The following TTC5 variants were observed in gnomAD, a reference collection of about 807,000 sequenced individuals.
TTC5 encodes the protein tetratricopeptide repeat domain 5.
Under a neutral mutation model 57.4 loss-of-function variants are expected in TTC5, and 46 were observed. The ratio of observed to expected loss-of-function variants is 0.80; its 90% CI spans 0.63 to 1.03. The LOEUF (loss-of-function observed/expected upper bound fraction) is 1.03. TTC5 is among the 50% of genes least tolerant of loss of function. The pLI, the probability that TTC5 is intolerant of heterozygous loss-of-function variation, is 0.00. For synonymous variants in TTC5, 190 were observed against 203.5 expected (o/e 0.93, Z 0.57); for missense variants, 504 against 528.1 (o/e 0.95, Z 0.45).
At chr14:20,298,440 C>T (rs1882109902) in intron 5 of TTC5, among the ~76,000 whole-genome samples, 1 of 152,034 alleles carries the variant, frequency 6.6e-6, no homozygotes, top group African/African-American at 2.4e-5. Flanking sequence ...TTTCATTATT[C>T]TTTAAAATGA....
intron 9 of TTC5, among the ~76,000 whole-genome samples, chr14:20,291,246 C>T (rs1450605243): frequency 2.0e-5 from 3 of 152,052 alleles, no homozygotes; most frequent in African/African-American, 4.8e-5. Flanking sequence ...TTTGTAGAGA[C>T]GGGGTCTCAC....
intron 6 of TTC5, 119 bp from the exon 7 acceptor site, chr14:20,295,973 G>A: frequency 9.4e-7 from 1 of 1,059,936 alleles, no homozygotes; most frequent in East Asian, 2.6e-5. Context: ...ATTTTCCTGT[G>A]CTGCAACAAA....
chr14:20,305,683 T>C (rs1247300326), intron 1 of TTC5: 3 of 606,780 alleles, frequency 4.9e-6, no homozygotes, highest in Non-Finnish European at 8.9e-6. Context: ...GGACTGAAAT[T>C]AACCGCAGTC....
intron 9 of TTC5, among the ~76,000 whole-genome samples, chr14:20,290,247 C>T (rs1881926604): frequency 1.3e-5 from 2 of 152,146 alleles, no homozygotes; most frequent in South Asian, 2.1e-4. Context: ...AGAATGTAGC[C>T]GTTTTCCTAA....
intron 3 of TTC5, among the ~76,000 whole-genome samples, chr14:20,299,767 G>C (rs1031389885): frequency 3.3e-5 from 5 of 152,022 alleles, no homozygotes; most frequent in Non-Finnish European, 7.4e-5. Flanking sequence ...TGGCCAGGCT[G>C]GTCTTGAACT....
chr14:20,305,065 A>T (rs1486416105), intron 1 of TTC5, among the ~76,000 whole-genome samples: 1 of 152,224 alleles, frequency 6.6e-6, no homozygotes, highest in Non-Finnish European at 1.5e-5. Context: ...GATTTCAGCC[A>T]GTCACAGTTA....
rs1881905413 is a variant in TTC5 at position 20,289,370 on chromosome 14, C to T, written c.*257G>A. 1 of 305,498 alleles carries T rather than the reference C, an allele frequency of 3.3e-6. No homozygotes were observed. 18.9% of individuals were successfully genotyped at this position (305,498 alleles called of 1,614,324 possible). The stretch of plus-strand genomic sequence containing the variant: ...TCCCAAGACTTCTACCAATTCCATG[C>T]TCTTTGCTTAAAACATAGAGAGCAG... On this transcript the variant is annotated 3_prime_UTR_variant, in exon 10 of 10. Transcript: ENST00000258821.
intron 1 of TTC5, among the ~76,000 whole-genome samples, chr14:20,302,960 A>T (rs565077845): frequency 6.6e-6 from 1 of 151,900 alleles, no homozygotes; most frequent in Non-Finnish European, 1.5e-5. Context: ...GCACTTTGGT[A>T]GTCCAAGGCA....
chr14:20,295,506 CT>C lies in TTC5; in HGVS notation c.863del (p.Lys288SerfsTer14), dbSNP rs1161770661. 1 of 1,611,770 alleles carries C rather than the reference CT, an allele frequency of 6.2e-7. No individual in the cohort carries two copies. Among genetic ancestry groups the C allele is most frequent in the Non-Finnish European group, 8.5e-7 (1 of 1,178,290 alleles). ...GCAAGCTTCCCAGCATGCTCTGCAG[CT>C]TTTTGGTCTTCACCTTTCCCTGCAA... is the stretch of plus-strand genomic sequence containing the variant. ...LESKGKVKTK[K>X]LQSMLGSLRP... On this transcript the variant is annotated frameshift_variant, in exon 8 of 10. Coordinates refer to ENST00000258821, the MANE Select transcript of TTC5 (RefSeq NM_138376.3). LOFTEE classifies it high-confidence loss of function.
Position 20,295,385 on chromosome 14 carries a change from G to C in TTC5, c.985C>G (p.Pro329Ala). The C allele has an allele frequency of 1.9e-6, 3 of 1,614,150 alleles. No homozygotes were observed. In the South Asian group the frequency reaches 3.3e-5, roughly 18 times the overall value. ...LELKPLSTLQ[P>A]GVNSGAVILG... ...ATGACGGCACCGCTGTTCACCCCAG[G>C]CTGAAGCGTACTCAGTGGCTTGAGC... Residue 329 changes from proline to alanine, a missense_variant, in exon 8 of 10, where the codon CCT (proline) becomes GCT (alanine). Transcript: ENST00000258821.
rs200479755 is a variant in TTC5 at position 20,291,033 on chromosome 14, TAAC to T, written c.1203+947_1203+949del. Among the ~76,000 whole-genome samples, 67 of 152,166 alleles carry T rather than the reference TAAC, an allele frequency of 4.4e-4. No homozygotes were observed. In the East Asian group the frequency reaches 0.012, roughly 28 times the overall value. On this transcript the variant is annotated intron_variant, in intron 9 of 9. Transcript: ENST00000258821. ...TACGCTTCTGTCCATTTTTTTCACT[TAAC>T]AACACAGAAACCACACTCTTGTTTT...
In TTC5 at chr14:20,301,861, T is replaced by G. The variant is rs749670612; in HGVS notation, c.156A>C (p.Lys52Asn). Residue 52 changes from lysine to asparagine, a missense_variant, in exon 2 of 10, where the codon AAA becomes AAC. Physicochemically the swap from Lys to Asn is moderately conservative, Grantham distance 94. Coordinates refer to ENST00000258821, the MANE Select transcript of TTC5 (RefSeq NM_138376.3). ...KQQDVQKEME[K>N]TLQQMEEVVG... ...CTACTTCTTCCATCTGCTGTAGGGTTTTCTCCATCTCCTTCTGCACATCCT... is the reference window on the plus strand; with the variant it reads ...CTACTTCTTCCATCTGCTGTAGGGTGTTCTCCATCTCCTTCTGCACATCCT... 2 of 1,613,956 alleles carry G rather than the reference T, an allele frequency of 1.2e-6. No individual in the cohort carries two copies.
rs552079415 is a variant in TTC5 at position 20,289,503 on chromosome 14, G to A, written c.*124C>T. 4 of 1,228,622 alleles carry A rather than the reference G, an allele frequency of 3.3e-6. No homozygotes were observed. In the African/African-American group the frequency reaches 4.5e-5, roughly 14 times the overall value. 76.1% of individuals were successfully genotyped at this position (1,228,622 alleles called of 1,614,324 possible). A position where few individuals can be genotyped will look rare whatever the true frequency, so the allele number is the denominator to read the frequency against. On this transcript the variant is annotated 3_prime_UTR_variant, in exon 10 of 10. Coordinates refer to ENST00000258821, the MANE Select transcript of TTC5 (RefSeq NM_138376.3). Reference sequence around the variant, plus strand: ...AGATACGAAGTGTAATACAGGCAGGGAAAGAGAAAGTCTTCATTTAAAACA... The same window carrying A: ...AGATACGAAGTGTAATACAGGCAGGAAAAGAGAAAGTCTTCATTTAAAACA...
chr14:20,303,850 T>C (rs1289752058), intron 1 of TTC5, among the ~76,000 whole-genome samples: 1 of 152,158 alleles, frequency 6.6e-6, no homozygotes, highest in African/African-American at 2.4e-5. Context: ...CTTCATGCAG[T>C]TTCTCAAACC....
rs1310195835 is a variant in TTC5, at chr14:20,300,820, T to A, written c.185-2A>T. Reference sequence around the variant, plus strand: ...CTTGTGCCTTGCCCTGGACAGAACCTAAGAGGAAGAAAAAAAGATAAAGTG... The same window carrying A: ...CTTGTGCCTTGCCCTGGACAGAACCAAAGAGGAAGAAAAAAAGATAAAGTG... On this transcript the variant is annotated splice_acceptor_variant, in intron 2 of 9. Transcript: ENST00000258821. LOFTEE classifies it high-confidence loss of function. The A allele has an allele frequency of 6.3e-7, 1 of 1,578,388 alleles. No individual in the cohort carries two copies. Among genetic ancestry groups the A allele is most frequent in the Admixed American group, 2.0e-5 (1 of 50,980 alleles).
In TTC5 at chr14:20,286,537, G is replaced by GA. The variant is rs137897726; in HGVS notation, c.*3089dup. ...AGGTGCTGGGCTATTTACTCATTAT[G>GA]AAAAAAATTATATCCGTACATAACA... On this transcript the variant is annotated 3_prime_UTR_variant, in exon 10 of 10. Transcript: ENST00000258821. 1 of 151,868 alleles carries GA rather than the reference G, an allele frequency of 6.6e-6. No individual in the cohort carries two copies. The highest frequency in any genetic ancestry group is 6.6e-5 in the Admixed American group (1 of 15,234). 9.4% of individuals were successfully genotyped at this position (151,868 alleles called of 1,614,324 possible).
At position 20,296,393 on chromosome 14, in the gene TTC5, C is replaced by T. The variant is rs778384528; in HGVS notation, c.693G>A (p.Ala231=). 58 of 1,612,186 alleles carry T rather than the reference C, an allele frequency of 3.6e-5. No homozygotes were observed. In the East Asian group the frequency reaches 1.1e-3, roughly 32 times the overall value. ...GACTACACCCCAAAGGTCTTACCGT[C>T]GCCCTGTTCAGATGAAGGTCAGGAT... ...SSNPDLHLNR[A]TLHKYEESYG... Residue 231 remains alanine (A), a synonymous_variant, in exon 6 of 10, where the codon GCG becomes GCA. Transcript: ENST00000258821.
chr14:20,305,735 T>C, intron 1 of TTC5, 152 bp downstream of exon 1: 1 of 752,462 alleles, frequency 1.3e-6, no homozygotes, highest in South Asian at 1.7e-5. Context: ...CCTGGCTGGC[T>C]GCGGCTGCAC....
chr14:20,291,910 C>G, intron 9 of TTC5, 73 bp downstream of exon 9: 1 of 1,312,362 alleles, frequency 7.6e-7, no homozygotes, highest in Non-Finnish European at 9.8e-7. Context: ...ATTTCTATAT[C>G]TTTTATAAAA....
Sources: gnomAD v4.1 joint callset for allele counts (sites outside exome capture counted in the v4.1 genomes callset) on GRCh38, gnomAD v4.1.1 for gene constraint, MANE v1.5 for transcripts, NCBI Gene and HGNC (gene_info 2026-07-23, HGNC 2026-07-21) for gene names.